The following NOL9 variants were observed in gnomAD, a reference collection of about 807,000 sequenced individuals.
The protein encoded by NOL9 is nucleolar protein 9.
Under a neutral mutation model 67.9 loss-of-function variants are expected in NOL9, and 28 were observed. That is an observed-to-expected ratio of 0.41 (90% confidence interval 0.31 to 0.57). NOL9 has a LOEUF of 0.57. Ranked by LOEUF, NOL9 falls within the 20% of genes least tolerant of loss-of-function variation. The probability of loss-of-function intolerance (pLI) is 0.25; values close to 1 mark genes in which losing one functional copy is unlikely to be tolerated. For missense variants in NOL9, 777 were observed against 897.0 expected, an observed-to-expected ratio of 0.87 and a Z score of 1.71; for synonymous variants, 356 against 352.2, an observed-to-expected ratio of 1.01 and a Z score of -0.12.
chr1:6,554,250 G>A lies in NOL9; in HGVS notation c.253C>T (p.Pro85Ser), dbSNP rs755833637. ...ARRPNTATPS[P>S]IPSPTPASEP... ...GAGGCCGGGGTCGGGCTAGGGATCGGGCTGGGGGTCGCGGTGTTGGGTCTC... is the reference window on the plus strand; with the variant it reads ...GAGGCCGGGGTCGGGCTAGGGATCGAGCTGGGGGTCGCGGTGTTGGGTCTC... Residue 85 changes from proline (P) to serine (S), a missense_variant, in exon 1 of 12, where the codon CCG (proline) becomes TCG (serine). Physicochemically the swap from Pro to Ser is moderately conservative, Grantham distance 74. This residue lies in a region of NOL9 where 364 missense variants were observed against 344.4 expected (regional missense o/e 1.06). Coordinates refer to ENST00000377705, the MANE Select transcript of NOL9 (RefSeq NM_024654.5). The A allele has an allele frequency of 2.2e-5, 33 of 1,495,432 alleles. No individual in the cohort carries two copies. The highest frequency in any genetic ancestry group is 2.9e-5 in the Non-Finnish European group (33 of 1,123,278). 92.6% of individuals were successfully genotyped at this position (1,495,432 alleles called of 1,614,324 possible). A position where few individuals can be genotyped will look rare whatever the true frequency, so the allele number is the denominator to read the frequency against.
intron 5 of NOL9, among the ~76,000 whole-genome samples, chr1:6,543,494 CTTTATTTA>C (rs555412614): frequency 2.0e-5 from 3 of 152,070 alleles, no homozygotes; most frequent in Non-Finnish European, 2.9e-5. Flanking sequence ...TGCGCCCAGG[CTTTATTTA>C]TTTATTTATT....
chr1:6,543,788 C>T (rs1639354688), intron 5 of NOL9, among the ~76,000 whole-genome samples: 2 of 151,954 alleles, frequency 1.3e-5, no homozygotes, highest in African/African-American at 4.8e-5. Flanking sequence ...CCAGCCTGGG[C>T]AACATGGCAA....
chr1:6,545,331 G>T, intron 3 of NOL9, 151 bp from the exon 4 acceptor site: 1 of 715,014 alleles, frequency 1.4e-6, no homozygotes, highest in South Asian at 1.9e-5. Context: ...ATCAACAAGT[G>T]TTGCCAACTG....
intron 5 of NOL9, among the ~76,000 whole-genome samples, 178 bp downstream of exon 5, chr1:6,544,648 G>A (rs1169969203): frequency 4.8e-5 from 7 of 145,598 alleles, no homozygotes; most frequent in African/African-American, 1.5e-4. Context: ...GCCTACGCTA[G>A]AGCATTGTCA....
rs909954742 is a variant in NOL9, at chr1:6,525,288, C to T, written c.*566G>A. The T allele has an allele frequency of 1.3e-5, 2 of 154,678 alleles. No individual in the cohort carries two copies. Among genetic ancestry groups the T allele is most frequent in the South Asian group, 4.0e-4 (2 of 5,012 alleles). The allele number at this position is 154,678 out of a possible 1,614,324, so 9.6% of individuals were successfully genotyped here. ...TGCTAGGATTACAGGTGTGCATGAG[C>T]CACCATGCCCAGCCCTATCTATTAA... On this transcript the variant is annotated 3_prime_UTR_variant, in exon 12 of 12. Coordinates refer to ENST00000377705, the MANE Select transcript of NOL9 (RefSeq NM_024654.5).
chr1:6,536,304 C>A (rs1329579929), intron 6 of NOL9, among the ~76,000 whole-genome samples: 2 of 152,106 alleles, frequency 1.3e-5, no homozygotes, highest in Admixed American at 1.3e-4. Flanking sequence ...CGAGATCACG[C>A]CACTGCACTC....
At chr1:6,532,888 T>C in intron 7 of NOL9, 128 bp from the exon 8 acceptor site, 1 of 941,132 alleles carries the variant, frequency 1.1e-6, no homozygotes, top group Non-Finnish European at 1.5e-6. Flanking sequence ...TACGTTGGAC[T>C]TCGGCTGGGC....
intron 9 of NOL9, among the ~76,000 whole-genome samples, chr1:6,530,073 C>T (rs11122082): frequency 0.15 from 23,082 of 152,110 alleles, 2,115 homozygotes; most frequent in African/African-American, 0.26. Flanking sequence ...TTACAGTGAG[C>T]CAAAATTGTG....
At chr1:6,541,015 T>C (rs1416764588) in intron 6 of NOL9, 1 of 139,552 alleles carries the variant, frequency 7.2e-6, no homozygotes, top group East Asian at 2.2e-4. Flanking sequence ...AACAGCGTTT[T>C]TTTTTTTTTT....
intron 9 of NOL9, 76 bp downstream of exon 9, chr1:6,531,892 G>A: frequency 9.1e-7 from 1 of 1,097,318 alleles, no homozygotes; most frequent in African/African-American, 1.5e-5. Context: ...TAGTGGTTAG[G>A]AGAGCGCCCA....
At chr1:6,549,064 C>T (rs568810414) in intron 3 of NOL9, among the ~76,000 whole-genome samples, 1 of 151,906 alleles carries the variant, frequency 6.6e-6, no homozygotes, top group African/African-American at 2.4e-5. Context: ...AGCCTGGCAA[C>T]AGAGAGAGAG....
At chr1:6,546,637 C>T (rs1570078648) in intron 3 of NOL9, among the ~76,000 whole-genome samples, 2 of 152,154 alleles carry the variant, frequency 1.3e-5, no homozygotes, top group African/African-American at 2.4e-5. Context: ...ATGCCAGAAC[C>T]GGACCCATCC....
chr1:6,524,119 A>T lies in NOL9; in HGVS notation c.*1735T>A, dbSNP rs1481644495. ...AAGGGGCAACTAAGAAGCTAGACTC[A>T]ATTGTCTCAAAGGTATCAAAACTAA... On this transcript the variant is annotated 3_prime_UTR_variant, in exon 12 of 12. Coordinates refer to ENST00000377705, the MANE Select transcript of NOL9 (RefSeq NM_024654.5). 6.6e-6 allele frequency: 1 copy of T among 152,222 alleles called. No individual in the cohort carries two copies. Among genetic ancestry groups the T allele is most frequent in the Non-Finnish European group, 1.5e-5 (1 of 68,032 alleles). 9.4% of individuals were successfully genotyped at this position (152,222 alleles called of 1,614,324 possible).
chr1:6,529,382 A>G (rs1191560674), intron 9 of NOL9, among the ~76,000 whole-genome samples: 1 of 152,034 alleles, frequency 6.6e-6, no homozygotes, highest in Non-Finnish European at 1.5e-5. Flanking sequence ...CGAGGTCAGG[A>G]GTTCAAGACC....
At position 6,525,800 on chromosome 1, in the gene NOL9, T is replaced by C. The variant is rs1239500982; in HGVS notation, c.*54A>G. ...TCCATCATGTCTCTTGTGGTCAGGC[T>C]TGAGACAAAGCTTTCTGGTAGGAAA... On this transcript the variant is annotated 3_prime_UTR_variant, in exon 12 of 12. Coordinates refer to ENST00000377705, the MANE Select transcript of NOL9 (RefSeq NM_024654.5). 1.3e-6 allele frequency: 2 copies of C among 1,598,616 alleles called. No individual in the cohort carries two copies. Among genetic ancestry groups the C allele is most frequent in the African/African-American group, 2.7e-5 (2 of 74,418 alleles).
intron 5 of NOL9, among the ~76,000 whole-genome samples, chr1:6,544,556 C>CTA: frequency 7.9e-6 from 1 of 126,808 alleles, no homozygotes; most frequent in South Asian, 2.6e-4. Flanking sequence ...CCCCCCCCGC[C>CTA]CCCCACCCCA....
At chr1:6,527,876 A>C (rs536644476) in intron 10 of NOL9, among the ~76,000 whole-genome samples, 2 of 152,298 alleles carry the variant, frequency 1.3e-5, no homozygotes, top group South Asian at 4.1e-4. Context: ...GGTTGCAGTG[A>C]ACGGAGATCA....
chr1:6,553,095 A>C (rs1248627646), intron 1 of NOL9, among the ~76,000 whole-genome samples: 2 of 152,214 alleles, frequency 1.3e-5, no homozygotes, highest in Non-Finnish European at 2.9e-5. Context: ...TACAGGCCTG[A>C]GCCACCGCGC....
In NOL9 at chr1:6,529,046, C is replaced by T. The variant is rs200069085; in HGVS notation, c.1773G>A (p.Thr591=). Residue 591 remains threonine (T), a synonymous_variant, in exon 10 of 12, where the codon ACG becomes ACA. Transcript: ENST00000377705. The part of the protein sequence containing the change: ...CKIQDDVRGY[T]NGPILLAQTP... ...TCTGGGCAAGCAGGATGGGCCCATT[C>T]GTGTATCCTCTGACGTCATCCTGGA... The T allele has an allele frequency of 1.7e-5, 27 of 1,613,934 alleles. No homozygotes were observed. Among genetic ancestry groups the T allele is most frequent in the Non-Finnish European group, 2.2e-5 (26 of 1,180,032 alleles).
Sources: gnomAD v4.1 joint callset for allele counts (sites outside exome capture counted in the v4.1 genomes callset) on GRCh38, gnomAD v4.1.1 for gene constraint, gnomAD v4.1.1 regional missense constraint, MANE v1.5 for transcripts, NCBI Gene and HGNC (gene_info 2026-07-23, HGNC 2026-07-21) for gene names.